Variants in KCNN3 observed in about 807,000 individuals in gnomAD.
KCNN3 encodes the protein small conductance calcium-activated potassium channel protein 3.
A neutral mutation model predicts 62.9 loss-of-function variants in KCNN3; 16 were observed. That is an observed-to-expected ratio of 0.25 (90% CI 0.17 to 0.39). The LOEUF (loss-of-function observed/expected upper bound fraction) is 0.39, where lower values mean the gene tolerates loss of function less well. KCNN3 is among the 10% of genes least tolerant of loss of function. The probability of loss-of-function intolerance (pLI) is 1.00; values close to 1 mark genes in which losing one functional copy is unlikely to be tolerated. For synonymous variants in KCNN3, 370 were observed against 389.2 expected (o/e 0.95, Z 0.58); for missense variants, 599 against 949.4 (o/e 0.63, Z 4.85).
At chr1:154,780,237 G>T (rs747267886) in intron 2 of KCNN3, among the ~76,000 whole-genome samples, 2 of 117,562 alleles carry the variant, frequency 1.7e-5, no homozygotes, top group African/African-American at 6.8e-5. Flanking sequence ...GTTTAGAGTC[G>T]ATTCATTGGA....
intron 1 of KCNN3, among the ~76,000 whole-genome samples, chr1:154,841,709 T>C (rs1408796503): frequency 6.6e-6 from 1 of 152,158 alleles, no homozygotes; most frequent in Non-Finnish European, 1.5e-5. Flanking sequence ...GTCTCCCTAC[T>C]ACATCCCCAT....
intron 1 of KCNN3, among the ~76,000 whole-genome samples, chr1:154,837,965 G>A (rs1253867510): frequency 6.6e-6 from 1 of 152,194 alleles, no homozygotes; most frequent in African/African-American, 2.4e-5. Flanking sequence ...GCTCTCGCAG[G>A]GCTGGAAGAG....
intron 2 of KCNN3, among the ~76,000 whole-genome samples, chr1:154,778,480 C>T (rs1369907211): frequency 1.3e-5 from 2 of 152,178 alleles, no homozygotes; most frequent in African/African-American, 2.4e-5. Context: ...GCATCAGACA[C>T]ACCAGAGGGG....
At chr1:154,841,018 C>A (rs1287504322) in intron 1 of KCNN3, among the ~76,000 whole-genome samples, 3 of 117,178 alleles carry the variant, frequency 2.6e-5, no homozygotes, top group Non-Finnish European at 5.9e-5. Flanking sequence ...GGCAGGCCTG[C>A]CCCTGCGGGG....
At chr1:154,768,556 G>T (rs1468617317) in intron 3 of KCNN3, among the ~76,000 whole-genome samples, 2 of 152,168 alleles carry the variant, frequency 1.3e-5, no homozygotes, top group African/African-American at 2.4e-5. Flanking sequence ...AGGGACCCTG[G>T]AGCCTGGCTG....
At chr1:154,863,062 A>G (rs1652825943) in intron 1 of KCNN3, among the ~76,000 whole-genome samples, 1 of 152,066 alleles carries the variant, frequency 6.6e-6, no homozygotes, top group African/African-American at 2.4e-5. Context: ...CCAGCCCAGC[A>G]CTCAGCAAAT....
chr1:154,732,542 G>A (rs945117342), intron 4 of KCNN3, among the ~76,000 whole-genome samples: 2 of 152,230 alleles, frequency 1.3e-5, no homozygotes, highest in Non-Finnish European at 2.9e-5. Context: ...GGCCGACTCA[G>A]TGCTCTTTCC....
intron 3 of KCNN3, among the ~76,000 whole-genome samples, chr1:154,752,403 AG>A (rs10710686): frequency 0.26 from 38,913 of 152,070 alleles, 5,209 homozygotes; most frequent in Middle Eastern, 0.35. Context: ...AGATGAAGGA[AG>A]GAAGGAGTGA....
chr1:154,707,752 C>T lies in KCNN3; in HGVS notation c.*224G>A, dbSNP rs1466309548. 7.3e-6 allele frequency: 4 copies of T among 544,308 alleles called. No individual in the cohort carries two copies. Among genetic ancestry groups the T allele is most frequent in the Non-Finnish European group, 1.3e-5 (4 of 314,852 alleles). 33.7% of individuals were successfully genotyped at this position (544,308 alleles called of 1,614,324 possible). A position where few individuals can be genotyped will look rare whatever the true frequency, so the allele number is the denominator to read the frequency against. On this transcript the variant is annotated 3_prime_UTR_variant, in exon 8 of 8. Transcript: ENST00000271915. The stretch of plus-strand genomic sequence containing the variant: ...TGCCAGAGGCGTCGCTTCCTGTCAT[C>T]TCCTCTTCCCGCTCCCAAGTAGAGG...
chr1:154,846,661 A>T (rs1338361242), intron 1 of KCNN3, among the ~76,000 whole-genome samples: 1 of 152,038 alleles, frequency 6.6e-6, no homozygotes, highest in African/African-American at 2.4e-5. Flanking sequence ...GCCAGTTTCC[A>T]TGGGGCTGGG....
At chr1:154,734,435 C>T (rs546655216) in intron 3 of KCNN3, among the ~76,000 whole-genome samples, 63 of 152,302 alleles carry the variant, frequency 4.1e-4, no homozygotes, top group African/African-American at 1.4e-3. Context: ...TTGGGGCTTC[C>T]GTGAGTTAAT....
Position 154,775,829 on chromosome 1 carries a change from G to A in KCNN3, c.1030-3436C>T, listed in dbSNP as rs568011489. 5.9e-5 allele frequency among the ~76,000 whole-genome samples: 9 copies of A among 152,298 alleles called. No homozygotes were observed. The South Asian group carries it at 8.3e-4, about 14-fold the overall frequency. On this transcript the variant is annotated intron_variant, in intron 2 of 7. Transcript: ENST00000271915. The stretch of plus-strand genomic sequence containing the variant: ...AGGGTTCCCTCTGCTTCTAACTGCC[G>A]CCCGACAGGCCAAGCCATGGCAACG...
At position 154,869,242 on chromosome 1, in the gene KCNN3, G is replaced by A. The variant is rs926645633; in HGVS notation, c.723C>T (p.His241=). 3 of 1,613,644 alleles carry A rather than the reference G, an allele frequency of 1.9e-6. No homozygotes were observed. Among genetic ancestry groups the A allele is most frequent in the South Asian group, 1.1e-5 (1 of 91,034 alleles). Residue 241 remains histidine (H), a synonymous_variant, in exon 1 of 8, where the codon CAC becomes CAT. Coordinates refer to ENST00000271915, the MANE Select transcript of KCNN3 (RefSeq NM_002249.6). The surrounding 1 kb of genome is among the most constrained non-coding windows in gnomAD (Gnocchi z 6.1). ...QTLLHHPNAT[H]NHQHAGTTAS... is the part of the protein sequence containing the mutation. ...CGGTGGTGCCGGCATGCTGGTGGTT[G>A]TGGGTGGCATTAGGGTGATGGAGCA... is the stretch of plus-strand genomic sequence containing the variant.
intron 1 of KCNN3, among the ~76,000 whole-genome samples, chr1:154,826,154 TTAAG>T (rs1651120974): frequency 1.3e-5 from 2 of 152,024 alleles, no homozygotes; most frequent in South Asian, 4.1e-4. Context: ...TGATAGACTA[TTAAG>T]TGATAAACTC....
At chr1:154,744,646 T>C (rs1700899364) in intron 3 of KCNN3, among the ~76,000 whole-genome samples, 1 of 152,204 alleles carries the variant, frequency 6.6e-6, no homozygotes, top group African/African-American at 2.4e-5. Flanking sequence ...TTATTCCCAT[T>C]CCCAGCTCTG....
At chr1:154,856,654 C>T (rs1157101553) in intron 1 of KCNN3, among the ~76,000 whole-genome samples, 1 of 152,182 alleles carries the variant, frequency 6.6e-6, no homozygotes, top group African/African-American at 2.4e-5. Flanking sequence ...CTCTGCCTTA[C>T]AAACAGCAAT....
chr1:154,854,187 A>C (rs1652423631), intron 1 of KCNN3, among the ~76,000 whole-genome samples: 1 of 152,196 alleles, frequency 6.6e-6, no homozygotes, highest in Non-Finnish European at 1.5e-5. Context: ...GTGAGCCGAG[A>C]TTGGGCCACT....
chr1:154,743,108 C>T (rs1700859914), intron 3 of KCNN3, among the ~76,000 whole-genome samples: 3 of 151,884 alleles, frequency 2.0e-5, no homozygotes, highest in Admixed American at 6.6e-5. Flanking sequence ...CCTGGACCAG[C>T]CCCACCCTCT....
chr1:154,750,832 G>C (rs1209135588), intron 3 of KCNN3, among the ~76,000 whole-genome samples: 2 of 152,094 alleles, frequency 1.3e-5, no homozygotes, highest in Non-Finnish European at 2.9e-5. Flanking sequence ...TTCTCCTGGG[G>C]AGCATCAGCT....
Sources: allele counts gnomAD v4.1 joint callset (sites outside exome capture counted in the v4.1 genomes callset), GRCh38; gene constraint gnomAD v4.1.1; non-coding constraint Gnocchi (gnomAD v3.1); transcripts MANE v1.5; gene names NCBI Gene and HGNC (gene_info 2026-07-23, HGNC 2026-07-21).